UBXN2B: variants seen among roughly 807,000 people sequenced by gnomAD.
UBXN2B encodes the protein UBX domain protein 2B.
A neutral mutation model predicts 37.5 loss-of-function variants in UBXN2B; 19 were observed. The observed-to-expected ratio is 0.51, with a 90% CI of 0.35 to 0.74. UBXN2B has a LOEUF of 0.74. Ranked by LOEUF, UBXN2B falls within the 30% of genes least tolerant of loss-of-function variation. The pLI, the probability that UBXN2B is intolerant of heterozygous loss-of-function variation, is 0.01. For missense variants in UBXN2B, 370 were observed against 393.2 expected, an observed-to-expected ratio of 0.94 and a Z score of 0.50; for synonymous variants, 145 against 143.8, an observed-to-expected ratio of 1.01 and a Z score of -0.06.
At chr8:58,443,636 TCCA>T (rs1808603942) in intron 6 of UBXN2B, among the ~76,000 whole-genome samples, 1 of 55,232 alleles carries the variant, frequency 1.8e-5, no homozygotes, top group Non-Finnish European at 3.5e-5. Flanking sequence ...CTACTAAAAA[TCCA>T]AAAAAAAAAA....
intron 2 of UBXN2B, among the ~76,000 whole-genome samples, chr8:58,424,026 C>G (rs1361931602): frequency 2.6e-5 from 4 of 151,848 alleles, no homozygotes; most frequent in Non-Finnish European, 4.4e-5. Flanking sequence ...GACCAGTCAG[C>G]TTCTGACAGT....
At chr8:58,411,591 A>G (rs1389856833) in intron 1 of UBXN2B, 122 bp downstream of exon 1, 2 of 845,876 alleles carry the variant, frequency 2.4e-6, no homozygotes, top group Admixed American at 4.3e-5. Context: ...CCGTCTGGGG[A>G]TAGAATCCGG....
At chr8:58,438,104 G>A (rs1488393736) in intron 5 of UBXN2B, among the ~76,000 whole-genome samples, 2 of 152,170 alleles carry the variant, frequency 1.3e-5, no homozygotes, top group Admixed American at 1.3e-4. Context: ...AAAAGCCCCA[G>A]GTATAGCTTG....
chr8:58,422,479 T>G (rs1297449884), intron 2 of UBXN2B, among the ~76,000 whole-genome samples: 8 of 152,236 alleles, frequency 5.3e-5, no homozygotes, highest in African/African-American at 1.2e-4. Context: ...CATTGAAATA[T>G]CCACACTCGA....
chr8:58,442,257 G>T (rs184166420), intron 6 of UBXN2B, among the ~76,000 whole-genome samples: 1 of 152,158 alleles, frequency 6.6e-6, no homozygotes, highest in Non-Finnish European at 1.5e-5. Flanking sequence ...GATGATGTGA[G>T]CCTATGTGTT....
At chr8:58,440,764 T>G (rs1808518745) in intron 6 of UBXN2B, among the ~76,000 whole-genome samples, 1 of 152,156 alleles carries the variant, frequency 6.6e-6, no homozygotes, top group Non-Finnish European at 1.5e-5. Flanking sequence ...TCTCCCCTTA[T>G]TTTTCAAGAT....
At chr8:58,414,629 T>G (rs1178001013) in intron 1 of UBXN2B, among the ~76,000 whole-genome samples, 1 of 152,166 alleles carries the variant, frequency 6.6e-6, no homozygotes, top group Non-Finnish European at 1.5e-5. Flanking sequence ...CCTCTTTTGA[T>G]GTAATGTCAT....
At chr8:58,429,076 G>A (rs147090272) in intron 2 of UBXN2B, among the ~76,000 whole-genome samples, 3 of 152,280 alleles carry the variant, frequency 2.0e-5, no homozygotes, top group East Asian at 1.9e-4. Context: ...ACCGTTAACC[G>A]TAAAGGAGAT....
At chr8:58,435,221 TA>T (rs1417914965) in intron 5 of UBXN2B, 1 of 1,011,988 alleles carries the variant, frequency 9.9e-7, no homozygotes, top group East Asian at 5.0e-5. Context: ...TAACCAGAGT[TA>T]TATATACAGG....
At chr8:58,423,762 T>G (rs1807997612) in intron 2 of UBXN2B, among the ~76,000 whole-genome samples, 1 of 151,370 alleles carries the variant, frequency 6.6e-6, no homozygotes. Context: ...TTTAAGCCAC[T>G]AAAGTTTTAG....
At position 58,451,244 on chromosome 8, in the gene UBXN2B, G is replaced by T. The variant is rs1488457320; in HGVS notation, c.*3693G>T. 3.3e-5 allele frequency: 5 copies of T among 152,368 alleles called. No individual in the cohort carries two copies. Among genetic ancestry groups the T allele is most frequent in the African/African-American group, 1.2e-4 (5 of 41,560 alleles). 9.4% of individuals were successfully genotyped at this position (152,368 alleles called of 1,614,324 possible). ...GTATATAATAGTCTTCCAAGATAGA[G>T]ATTTACATTAGGAGAGAATTAAACA... On this transcript the variant is annotated 3_prime_UTR_variant, in exon 8 of 8. Transcript: ENST00000399598.
At position 58,448,138 on chromosome 8, in the gene UBXN2B, T is replaced by C. The variant is rs1224282956; in HGVS notation, c.*587T>C. On this transcript the variant is annotated 3_prime_UTR_variant, in exon 8 of 8. Coordinates refer to ENST00000399598, the MANE Select transcript of UBXN2B (RefSeq NM_001077619.2). ...GTATTTTACAGAATTATGACTGTTG[T>C]GAACTTAAACAGAAACACATAAAGG... 3 of 152,080 alleles carry C rather than the reference T, an allele frequency of 2.0e-5. No homozygotes were observed. The highest frequency in any genetic ancestry group is 7.2e-5 in the African/African-American group (3 of 41,416). 9.4% of individuals were successfully genotyped at this position (152,080 alleles called of 1,614,324 possible).
chr8:58,426,327 CT>C (rs1305370722), intron 2 of UBXN2B: 1 of 499,010 alleles, frequency 2.0e-6, no homozygotes, highest in Non-Finnish European at 3.6e-6. Flanking sequence ...CTGCCTCAGC[CT>C]CCTGAGTAGC....
Position 58,447,769 on chromosome 8 carries a change from C to T in UBXN2B, c.*218C>T, listed in dbSNP as rs1383243792. 1.4e-4 allele frequency: 53 copies of T among 371,006 alleles called. No individual in the cohort carries two copies. The highest frequency in any genetic ancestry group is 8.7e-5 in the Admixed American group (2 of 23,100). The allele number at this position is 371,006 out of a possible 1,614,324, so 23.0% of individuals were successfully genotyped here. A position where few individuals can be genotyped will look rare whatever the true frequency, so the allele number is the denominator to read the frequency against. On this transcript the variant is annotated 3_prime_UTR_variant, in exon 8 of 8. Transcript: ENST00000399598. ...TTTGAGTTTTTAGTTGAAGGACTGGCTTATGTTGATAGTTTTTGGATTTCT... is the reference window on the plus strand; with the variant it reads ...TTTGAGTTTTTAGTTGAAGGACTGGTTTATGTTGATAGTTTTTGGATTTCT...
intron 4 of UBXN2B, among the ~76,000 whole-genome samples, chr8:58,433,673 C>T (rs948250584): frequency 1.3e-5 from 2 of 150,336 alleles, no homozygotes; most frequent in African/African-American, 2.5e-5. Context: ...CAGTGGCTCA[C>T]GCCTATAATC....
chr8:58,416,812 C>T, intron 1 of UBXN2B, 38 bp from the exon 2 acceptor site: 3 of 1,567,182 alleles, frequency 1.9e-6, no homozygotes, highest in South Asian at 1.1e-5. Flanking sequence ...GAGGTTATTC[C>T]TAGTGTTATA....
Position 58,448,389 on chromosome 8 carries a change from G to T in UBXN2B, c.*838G>T, listed in dbSNP as rs901758327. ...GCGTTTCTCTGTGTTGATCAGGCTG[G>T]TCTCGAACTCCGAACCTCAGGTGAT... On this transcript the variant is annotated 3_prime_UTR_variant, in exon 8 of 8. Transcript: ENST00000399598. 1 of 152,002 alleles carries T rather than the reference G, an allele frequency of 6.6e-6. No homozygotes were observed. 9.4% of individuals were successfully genotyped at this position (152,002 alleles called of 1,614,324 possible).
At chr8:58,426,819 A>AC (rs1465742188) in intron 2 of UBXN2B, 4 of 576,508 alleles carry the variant, frequency 6.9e-6, no homozygotes, top group South Asian at 1.5e-5. Flanking sequence ...CTGTGCACAG[A>AC]CCCCCCTCCA....
At chr8:58,435,230 AG>A (rs1405223392) in intron 5 of UBXN2B, 2 of 857,040 alleles carry the variant, frequency 2.3e-6, no homozygotes, top group Non-Finnish European at 1.5e-6. Flanking sequence ...TTATATATAC[AG>A]GGTTATACTC....
Sources: allele counts gnomAD v4.1 joint callset (sites outside exome capture counted in the v4.1 genomes callset), GRCh38; gene constraint gnomAD v4.1.1; transcripts MANE v1.5; gene names NCBI Gene and HGNC (gene_info 2026-07-23, HGNC 2026-07-21).